The following CACNA2D1 variants were observed in gnomAD, a reference collection of about 807,000 sequenced individuals.
CACNA2D1 encodes the protein voltage-dependent calcium channel subunit alpha-2/delta-1.
CACNA2D1 carries 53 observed loss-of-function variants against 171.5 expected under a neutral mutation model. That is an observed-to-expected ratio of 0.31 (90% CI 0.25 to 0.39). The LOEUF is 0.39. CACNA2D1 is among the 10% of genes least tolerant of loss of function. The pLI is 1.00. For missense variants in CACNA2D1, 903 were observed against 1,299.8 expected (o/e 0.69, Z 4.69); for synonymous variants, 442 against 443.1 (o/e 1.00, Z 0.03).
chr7:82,002,429 G>A (rs1321677359), intron 18 of CACNA2D1, among the ~76,000 whole-genome samples: 1 of 152,150 alleles, frequency 6.6e-6, no homozygotes, highest in Non-Finnish European at 1.5e-5. Context: ...TTTTGTTATA[G>A]CAGCCTGAAT....
Position 82,393,745 on chromosome 7 carries a change from C to T in CACNA2D1, c.96-44096G>A, listed in dbSNP as rs145118164. ...ATGATATAAACAAGACAGGATAAAA[C>T]TCTTAAAACATTGTAAAAAAATTAT... On this transcript the variant is annotated intron_variant, in intron 1 of 38. Transcript: ENST00000356860. Among the ~76,000 whole-genome samples the T allele has an allele frequency of 2.6e-3, 402 of 152,230 alleles. 3 individuals are homozygous for T. The highest frequency in any genetic ancestry group is 4.8e-3 in the Non-Finnish European group (329 of 67,998).
intron 3 of CACNA2D1, among the ~76,000 whole-genome samples, chr7:82,256,353 C>T (rs958647455): frequency 1.1e-4 from 17 of 152,042 alleles, no homozygotes; most frequent in Admixed American, 3.9e-4. Context: ...ATCTTCTCTC[C>T]AAGTTCTTGT....
chr7:82,118,738 A>AG (rs1481382633), intron 5 of CACNA2D1, among the ~76,000 whole-genome samples: 73 of 152,198 alleles, frequency 4.8e-4, no homozygotes, highest in African/African-American at 1.7e-3. Context: ...ATAACCATAT[A>AG]AATGGCTTTT....
chr7:82,054,774 T>A (rs2041340813), intron 10 of CACNA2D1, among the ~76,000 whole-genome samples: 1 of 152,016 alleles, frequency 6.6e-6, no homozygotes, highest in South Asian at 2.1e-4. Flanking sequence ...ATCACTGGAG[T>A]CAAAAAACTC....
At chr7:82,401,637 C>T (rs895426454) in intron 1 of CACNA2D1, among the ~76,000 whole-genome samples, 1 of 150,924 alleles carries the variant, frequency 6.6e-6, no homozygotes, top group Non-Finnish European at 1.5e-5. Context: ...AGCGCACCAG[C>T]GTGGCACATG....
At chr7:82,312,400 C>A (rs2129433568) in intron 3 of CACNA2D1, among the ~76,000 whole-genome samples, 1 of 151,994 alleles carries the variant, frequency 6.6e-6, no homozygotes, top group Admixed American at 6.6e-5. Flanking sequence ...TAAAGCCCTA[C>A]AAACTGGAGC....
intron 2 of CACNA2D1, among the ~76,000 whole-genome samples, chr7:82,338,928 C>G (rs188854198): frequency 2.0e-5 from 3 of 152,092 alleles, no homozygotes; most frequent in Admixed American, 6.5e-5. Context: ...GGGAAGCAGA[C>G]ACCCAGCTGA....
In CACNA2D1 at chr7:82,276,319, G is replaced by A. The variant is rs559709896; in HGVS notation, c.294+58816C>T. ...AAAGCTTGTTTTCCCTACTTCCTTC[G>A]CACCTGGGACTTGGCCAAACAGTTT... is the stretch of plus-strand genomic sequence containing the variant. On this transcript the variant is annotated intron_variant, in intron 3 of 38. Coordinates refer to ENST00000356860, the MANE Select transcript of CACNA2D1 (RefSeq NM_000722.4). Among the ~76,000 whole-genome samples the A allele has an allele frequency of 5.3e-5, 8 of 152,194 alleles. No individual in the cohort carries two copies. In the South Asian group the frequency reaches 8.3e-4, roughly 16 times the overall value.
chr7:82,299,877 TATTC>T (rs1334910675), intron 3 of CACNA2D1, among the ~76,000 whole-genome samples: 1 of 152,148 alleles, frequency 6.6e-6, no homozygotes, highest in Non-Finnish European at 1.5e-5. Flanking sequence ...TTAACCAACT[TATTC>T]ATTCAGTAAA....
At chr7:81,952,480 C>T (rs968860151) in intron 38 of CACNA2D1, among the ~76,000 whole-genome samples, 1 of 152,030 alleles carries the variant, frequency 6.6e-6, no homozygotes, top group East Asian at 1.9e-4. Flanking sequence ...AATTTACATC[C>T]CAAATCTAAA....
intron 10 of CACNA2D1, among the ~76,000 whole-genome samples, chr7:82,047,781 CAT>C (rs1392283718): frequency 7.2e-5 from 11 of 152,002 alleles, no homozygotes; most frequent in Admixed American, 2.0e-4. Context: ...AAATAACAAA[CAT>C]ATGTAAAATA....
intron 1 of CACNA2D1, among the ~76,000 whole-genome samples, chr7:82,437,154 A>G (rs1830171291): frequency 6.6e-6 from 1 of 152,154 alleles, no homozygotes; most frequent in Non-Finnish European, 1.5e-5. Flanking sequence ...GTAACTTAAG[A>G]GAAACACATT....
intron 4 of CACNA2D1, among the ~76,000 whole-genome samples, chr7:82,166,419 T>C (rs1405806500): frequency 6.6e-6 from 1 of 152,038 alleles, no homozygotes; most frequent in East Asian, 1.9e-4. Flanking sequence ...TAATAAGCCA[T>C]ACATAAAGAT....
intron 6 of CACNA2D1, among the ~76,000 whole-genome samples, chr7:82,087,069 C>A (rs1015299922): frequency 1.3e-5 from 2 of 152,034 alleles, no homozygotes; most frequent in Non-Finnish European, 2.9e-5. Context: ...AAAGAATTCC[C>A]AGACTAGGCA....
intron 3 of CACNA2D1, among the ~76,000 whole-genome samples, chr7:82,253,600 C>T (rs1296001083): frequency 6.6e-6 from 1 of 151,902 alleles, no homozygotes; most frequent in Non-Finnish European, 1.5e-5. Flanking sequence ...CTTGAGATAC[C>T]GGCATACAAA....
chr7:81,952,749 T>C (rs1176735204), intron 38 of CACNA2D1, among the ~76,000 whole-genome samples: 1 of 152,124 alleles, frequency 6.6e-6, no homozygotes, highest in Admixed American at 6.6e-5. Context: ...TGTTCCTAGA[T>C]GATCTAATCC....
At chr7:81,999,279 A>T (rs1448665368) in intron 18 of CACNA2D1, among the ~76,000 whole-genome samples, 1 of 152,168 alleles carries the variant, frequency 6.6e-6, no homozygotes, top group African/African-American at 2.4e-5. Flanking sequence ...TTTTTAAAAG[A>T]TTCACCACGG....
At chr7:82,165,756 T>C (rs1451625757) in intron 4 of CACNA2D1, among the ~76,000 whole-genome samples, 1 of 151,948 alleles carries the variant, frequency 6.6e-6, no homozygotes, top group Admixed American at 6.6e-5. Flanking sequence ...TAACAAAAAA[T>C]TGTTTCCCTA....
intron 3 of CACNA2D1, among the ~76,000 whole-genome samples, chr7:82,329,997 T>C (rs1271718440): frequency 6.6e-6 from 1 of 151,902 alleles, no homozygotes; most frequent in African/African-American, 2.4e-5. Context: ...CTTCACAGAG[T>C]TTCTGTAAGG....
Sources: gnomAD v4.1 joint callset for allele counts (sites outside exome capture counted in the v4.1 genomes callset) on GRCh38, gnomAD v4.1.1 for gene constraint, MANE v1.5 for transcripts, NCBI Gene and HGNC (gene_info 2026-07-23, HGNC 2026-07-21) for gene names.